FBXL20: variants seen among roughly 807,000 people sequenced by gnomAD.
FBXL20 encodes F-box and leucine rich repeat protein 20.
In FBXL20, 11 loss-of-function variants were observed where a neutral mutation model predicts 64.0. The observed-to-expected ratio is 0.17, with a 90% CI of 0.11 to 0.28. The LOEUF (loss-of-function observed/expected upper bound fraction) is 0.28. FBXL20 is among the 10% of genes least tolerant of loss of function. The probability of loss-of-function intolerance (pLI) is 1.00; values close to 1 mark genes in which losing one functional copy is unlikely to be tolerated. For missense variants in FBXL20, 303 were observed against 526.2 expected, an observed-to-expected ratio of 0.58 and a Z score of 4.15; for synonymous variants, 184 against 189.0, an observed-to-expected ratio of 0.97 and a Z score of 0.22.
At chr17:39,295,803 A>G (rs762443643) in intron 6 of FBXL20, among the ~76,000 whole-genome samples, 3 of 150,094 alleles carry the variant, frequency 2.0e-5, no homozygotes, top group Non-Finnish European at 3.0e-5. Context: ...ATATATATAT[A>G]TATTAAGTCT....
intron 2 of FBXL20, among the ~76,000 whole-genome samples, chr17:39,340,997 CTTT>C (rs11462275): frequency 8.3e-6 from 1 of 120,054 alleles, no homozygotes. Flanking sequence ...CAAAGTTTTG[CTTT>C]TTTTTTTTTT....
intron 2 of FBXL20, among the ~76,000 whole-genome samples, chr17:39,333,317 C>T (rs1181092019): frequency 1.3e-5 from 2 of 152,190 alleles, no homozygotes; most frequent in East Asian, 1.9e-4. Context: ...GACTGGTTTT[C>T]GTATTTTTTG....
chr17:39,362,129 T>C (rs931858344), intron 1 of FBXL20, among the ~76,000 whole-genome samples: 2 of 150,440 alleles, frequency 1.3e-5, no homozygotes, highest in Non-Finnish European at 3.0e-5. Flanking sequence ...CTACTAAAAA[T>C]ACACACACAA....
chr17:39,270,752 A>C, intron 11 of FBXL20, 44 bp downstream of exon 11: 3 of 1,511,356 alleles, frequency 2.0e-6, no homozygotes, highest in Non-Finnish European at 2.7e-6. Flanking sequence ...AGCCCTAATA[A>C]AACCTATGGA....
Position 39,328,479 on chromosome 17 carries a change from T to C in FBXL20, c.104+14701A>G, listed in dbSNP as rs1201735317. 3.3e-4 allele frequency among the ~76,000 whole-genome samples: 50 copies of C among 152,196 alleles called. 1 individual carries two copies. The highest frequency in any genetic ancestry group is 3.3e-3 in the Admixed American group (50 of 15,264). ...ACAGTTGGAAGGGGATCCCACTGGCTAAATCTGAAACAGTTTGAGCATCAA... is the reference window on the plus strand; with the variant it reads ...ACAGTTGGAAGGGGATCCCACTGGCCAAATCTGAAACAGTTTGAGCATCAA... On this transcript the variant is annotated intron_variant, in intron 2 of 14. Coordinates refer to ENST00000264658, the MANE Select transcript of FBXL20 (RefSeq NM_032875.3).
chr17:39,369,143 T>C (rs2047890089), intron 1 of FBXL20, among the ~76,000 whole-genome samples: 1 of 152,070 alleles, frequency 6.6e-6, no homozygotes, highest in African/African-American at 2.4e-5. Flanking sequence ...TATGCAATAG[T>C]TTTAGAAGTA....
intron 9 of FBXL20, among the ~76,000 whole-genome samples, chr17:39,276,453 G>A (rs1360610072): frequency 2.0e-5 from 3 of 151,100 alleles, no homozygotes; most frequent in Admixed American, 6.6e-5. Context: ...GGTGGATCAC[G>A]AGGTCAGGAG....
chr17:39,318,078 T>A (rs1218758636), intron 2 of FBXL20, among the ~76,000 whole-genome samples: 1 of 152,012 alleles, frequency 6.6e-6, no homozygotes. Context: ...GAATGTAAAA[T>A]CCCTGCCCTC....
intron 1 of FBXL20, among the ~76,000 whole-genome samples, chr17:39,394,422 G>T (rs994545278): frequency 5.3e-5 from 8 of 151,220 alleles, no homozygotes; most frequent in African/African-American, 1.9e-4. Flanking sequence ...ACAGGCACCT[G>T]CCACCACGCC....
rs2046670064 is a variant in FBXL20 at position 39,253,676 on chromosome 17, C to T, written c.*7784G>A. On this transcript the variant is annotated 3_prime_UTR_variant, in exon 15 of 15. Transcript: ENST00000264658. ...GGGGAGTGAGAAGAAATCAAAAGCT[C>T]ATCCCTTCCTGCACTATTAGAAATT... The T allele has an allele frequency of 6.6e-6, 1 of 152,258 alleles. No homozygotes were observed. Among genetic ancestry groups the T allele is most frequent in the African/African-American group, 2.4e-5 (1 of 41,420 alleles). 9.4% of individuals were successfully genotyped at this position (152,258 alleles called of 1,614,324 possible).
chr17:39,306,256 T>C (rs2047182039), intron 2 of FBXL20, among the ~76,000 whole-genome samples: 1 of 151,760 alleles, frequency 6.6e-6, no homozygotes, highest in East Asian at 2.0e-4. Context: ...GGTCACGTGA[T>C]TCGCCTGTCT....
At position 39,332,659 on chromosome 17, in the gene FBXL20, A is replaced by G. The variant is rs192531566; in HGVS notation, c.104+10521T>C. On this transcript the variant is annotated intron_variant, in intron 2 of 14. Coordinates refer to ENST00000264658, the MANE Select transcript of FBXL20 (RefSeq NM_032875.3). ...TGGGTTCACGCCATTCGCCTGCCTC[A>G]GCCTCCCAAGTAGCTGGGACTACAG... Among the ~76,000 whole-genome samples the G allele has an allele frequency of 9.6e-3, 1,427 of 149,006 alleles. 19 individuals carry two copies. The highest frequency in any genetic ancestry group is 0.033 in the African/African-American group (1,352 of 40,384).
At chr17:39,292,778 C>T (rs1026745898) in intron 6 of FBXL20, among the ~76,000 whole-genome samples, 1 of 151,220 alleles carries the variant, frequency 6.6e-6, no homozygotes, top group Non-Finnish European at 1.5e-5. Context: ...CACTGCTTTG[C>T]ATATGTCTTA....
intron 2 of FBXL20, among the ~76,000 whole-genome samples, chr17:39,307,534 T>G (rs1445593227): frequency 6.6e-6 from 1 of 152,192 alleles, no homozygotes; most frequent in South Asian, 2.1e-4. Context: ...CTTAATTATG[T>G]ACCAGGTATC....
intron 2 of FBXL20, among the ~76,000 whole-genome samples, chr17:39,316,221 CAT>C (rs544237816): frequency 8.6e-5 from 13 of 152,012 alleles, no homozygotes; most frequent in Non-Finnish European, 1.6e-4. Context: ...TTAATAGAAA[CAT>C]AGTTATCAAT....
Position 39,401,470 on chromosome 17 carries a change from C to A in FBXL20, c.-68G>T. 6.5e-7 allele frequency: 1 copy of A among 1,540,006 alleles called. No homozygotes were observed. On this transcript the variant is annotated 5_prime_UTR_variant, in exon 1 of 15. Transcript: ENST00000264658. The stretch of plus-strand genomic sequence containing the variant: ...GAGTGCACAGACCGGGGGCCCAGGA[C>A]AGGCCCGGGAGTTCCGGGACGGGGA...
chr17:39,373,040 A>G lies in FBXL20; in HGVS notation c.42+28321T>C, dbSNP rs575468069. On this transcript the variant is annotated intron_variant, in intron 1 of 14. Coordinates refer to ENST00000264658, the MANE Select transcript of FBXL20 (RefSeq NM_032875.3). ...TTTTAATCAGACTACTTGTTTTTCAAACATAGCTTATACTGTCTCATCTCT... is the reference window on the plus strand; with the variant it reads ...TTTTAATCAGACTACTTGTTTTTCAGACATAGCTTATACTGTCTCATCTCT... Among the ~76,000 whole-genome samples the G allele has an allele frequency of 8.4e-4, 128 of 152,072 alleles. 2 individuals are homozygous for G. The highest frequency in any genetic ancestry group is 2.7e-3 in the African/African-American group (111 of 41,506).
At chr17:39,261,930 G>A (rs930518033) in intron 14 of FBXL20, among the ~76,000 whole-genome samples, 2 of 151,846 alleles carry the variant, frequency 1.3e-5, no homozygotes, top group African/African-American at 4.8e-5. Flanking sequence ...AAAATACAAA[G>A]GCTAATTTTT....
intron 7 of FBXL20, among the ~76,000 whole-genome samples, chr17:39,283,496 C>T (rs767216102): frequency 4.6e-5 from 7 of 151,658 alleles, no homozygotes; most frequent in African/African-American, 2.4e-5. Context: ...AGTGCAGTGG[C>T]GCCATCAGGG....
Sources: gnomAD v4.1 joint callset for allele counts (sites outside exome capture counted in the v4.1 genomes callset) on GRCh38, gnomAD v4.1.1 for gene constraint, MANE v1.5 for transcripts, NCBI Gene and HGNC (gene_info 2026-07-23, HGNC 2026-07-21) for gene names.